UBE2K: variants seen among roughly 807,000 people sequenced by gnomAD.
The protein encoded by UBE2K is ubiquitin-conjugating enzyme E2 K.
Under a neutral mutation model 30.0 loss-of-function variants are expected in UBE2K, and 6 were observed. The observed-to-expected ratio is 0.20, with a 90% confidence interval of 0.11 to 0.39. The LOEUF is 0.39. Ranked by LOEUF, UBE2K falls within the 10% of genes least tolerant of loss-of-function variation. The probability of loss-of-function intolerance (pLI) is 1.00; values close to 1 mark genes in which losing one functional copy is unlikely to be tolerated. For missense variants in UBE2K, 61 were observed against 241.6 expected, an observed-to-expected ratio of 0.25 and a Z score of 4.96; for synonymous variants, 86 against 83.7, an observed-to-expected ratio of 1.03 and a Z score of -0.15.
At chr4:39,736,863 A>G (rs1720408091) in intron 1 of UBE2K, among the ~76,000 whole-genome samples, 1 of 152,198 alleles carries the variant, frequency 6.6e-6, no homozygotes, top group South Asian at 2.1e-4. Flanking sequence ...TTTTTCATGG[A>G]AAGGAGAATC....
intron 1 of UBE2K, among the ~76,000 whole-genome samples, chr4:39,701,320 G>A (rs1393493003): frequency 6.6e-6 from 1 of 152,044 alleles, no homozygotes; most frequent in Non-Finnish European, 1.5e-5. Context: ...TAATTGTGAG[G>A]ATATAAACCC....
At chr4:39,721,995 C>T (rs1041232463) in intron 1 of UBE2K, among the ~76,000 whole-genome samples, 5 of 151,994 alleles carry the variant, frequency 3.3e-5, no homozygotes, top group African/African-American at 9.6e-5. Flanking sequence ...CAGCCGAGGT[C>T]GGAGGATTGC....
intron 4 of UBE2K, chr4:39,770,345 G>A (rs1337690251): frequency 1.4e-5 from 23 of 1,613,538 alleles, no homozygotes; most frequent in South Asian, 2.2e-5. Flanking sequence ...GGTTGAGGTT[G>A]TTGCTGTGGT....
chr4:39,722,606 A>G (rs993712038), intron 1 of UBE2K, among the ~76,000 whole-genome samples: 1 of 152,172 alleles, frequency 6.6e-6, no homozygotes, highest in Non-Finnish European at 1.5e-5. Flanking sequence ...CAGTTTAACC[A>G]TGCCAGTTAA....
intron 1 of UBE2K, among the ~76,000 whole-genome samples, chr4:39,728,481 G>C (rs1260841439): frequency 6.6e-6 from 1 of 152,128 alleles, no homozygotes; most frequent in African/African-American, 2.4e-5. Context: ...AGGTATTATT[G>C]TTGATCGTTC....
At chr4:39,722,061 G>A (rs897042723) in intron 1 of UBE2K, among the ~76,000 whole-genome samples, 1 of 152,018 alleles carries the variant, frequency 6.6e-6, no homozygotes, top group African/African-American at 2.4e-5. Context: ...TCTGCAGTCC[G>A]GCCTAGGTGA....
intron 4 of UBE2K, among the ~76,000 whole-genome samples, chr4:39,773,083 C>T (rs1238094254): frequency 3.3e-5 from 5 of 152,072 alleles, no homozygotes; most frequent in African/African-American, 1.2e-4. Flanking sequence ...AGATATTTTC[C>T]TTATAAATAC....
chr4:39,755,937 T>C (rs889018896), intron 4 of UBE2K, among the ~76,000 whole-genome samples, 198 bp downstream of exon 4: 2 of 152,258 alleles, frequency 1.3e-5, no homozygotes, highest in Non-Finnish European at 2.9e-5. Context: ...ACTTGTTAGA[T>C]AATGTTAGAT....
At chr4:39,715,280 G>A (rs1004250204) in intron 1 of UBE2K, among the ~76,000 whole-genome samples, 5 of 151,228 alleles carry the variant, frequency 3.3e-5, no homozygotes, top group Non-Finnish European at 5.9e-5. Context: ...CACCTGCCTC[G>A]GCCTCCCAAA....
intron 4 of UBE2K, chr4:39,770,725 C>A: frequency 5.1e-6 from 8 of 1,580,450 alleles, no homozygotes; most frequent in Non-Finnish European, 6.9e-6. Context: ...AGGTGGCCAC[C>A]CACGGAGCCT....
intron 4 of UBE2K, among the ~76,000 whole-genome samples, chr4:39,766,858 T>C (rs1712375407): frequency 1.3e-5 from 2 of 152,124 alleles, no homozygotes; most frequent in African/African-American, 2.4e-5. Context: ...TTCAAGCAGT[T>C]CTCCTGCCTC....
chr4:39,753,405 C>T (rs555478787), intron 3 of UBE2K, among the ~76,000 whole-genome samples: 10 of 152,306 alleles, frequency 6.6e-5, no homozygotes, highest in African/African-American at 2.4e-4. Context: ...TACTGTCTTA[C>T]TTAGCTTGCA....
intron 1 of UBE2K, among the ~76,000 whole-genome samples, chr4:39,705,194 GTT>G (rs57314034): frequency 8.4e-5 from 9 of 107,458 alleles, no homozygotes; most frequent in South Asian, 3.4e-4. Context: ...CTGCACCTGG[GTT>G]TTTTTTTTTT....
rs1405706822 is a variant in UBE2K at position 39,780,691 on chromosome 4, T to C, written c.*2257T>C. Reference sequence around the variant, plus strand: ...TTTACATTTAATGTGATGATCTTTTTTTTCCTTTCTGGTATATTTCCCACT... The same window carrying C: ...TTTACATTTAATGTGATGATCTTTTCTTTCCTTTCTGGTATATTTCCCACT... On this transcript the variant is annotated 3_prime_UTR_variant, in exon 7 of 7. Coordinates refer to ENST00000261427, the MANE Select transcript of UBE2K (RefSeq NM_005339.5). 1 of 152,148 alleles carries C rather than the reference T, an allele frequency of 6.6e-6. No homozygotes were observed. The highest frequency in any genetic ancestry group is 1.5e-5 in the Non-Finnish European group (1 of 67,976). The allele number at this position is 152,148 out of a possible 1,614,324, so 9.4% of individuals were successfully genotyped here. A position where few individuals can be genotyped will look rare whatever the true frequency, so the allele number is the denominator to read the frequency against.
chr4:39,747,363 C>T (rs926760801), intron 3 of UBE2K, among the ~76,000 whole-genome samples: 8 of 152,194 alleles, frequency 5.3e-5, no homozygotes, highest in African/African-American at 1.9e-4. Flanking sequence ...CCATTATTCC[C>T]CGCTCCCAGC....
chr4:39,714,667 C>T (rs1433836598), intron 1 of UBE2K, among the ~76,000 whole-genome samples: 1 of 149,374 alleles, frequency 6.7e-6, no homozygotes, highest in Non-Finnish European at 1.5e-5. Flanking sequence ...CTGCCTCAGC[C>T]TCCCGAGTAG....
At chr4:39,767,297 C>G (rs1454894070) in intron 4 of UBE2K, among the ~76,000 whole-genome samples, 1 of 124,032 alleles carries the variant, frequency 8.1e-6, no homozygotes, top group Non-Finnish European at 1.6e-5. Context: ...TTCTTTTTTT[C>G]TGTTTTTTTT....
At chr4:39,770,873 C>G (rs1306201001) in intron 4 of UBE2K, 2 of 1,543,370 alleles carry the variant, frequency 1.3e-6, no homozygotes, top group African/African-American at 2.8e-5. Flanking sequence ...GCTCCAAGTC[C>G]TCATCCAGTG....
chr4:39,734,834 G>A (rs771502868), intron 1 of UBE2K, among the ~76,000 whole-genome samples: 3 of 152,066 alleles, frequency 2.0e-5, no homozygotes, highest in Non-Finnish European at 2.9e-5. Context: ...ATAATTTGGG[G>A]GTGATGTAGA....
Sources: gnomAD v4.1 joint callset for allele counts (sites outside exome capture counted in the v4.1 genomes callset) on GRCh38, gnomAD v4.1.1 for gene constraint, MANE v1.5 for transcripts, NCBI Gene and HGNC (gene_info 2026-07-23, HGNC 2026-07-21) for gene names.